The following VWA3A variants were observed in gnomAD, a reference collection of about 807,000 sequenced individuals.
VWA3A encodes the protein von Willebrand factor A domain-containing protein 3A.
A neutral mutation model predicts 160.4 loss-of-function variants in VWA3A; 134 were observed. That is an observed-to-expected ratio of 0.84 (90% CI 0.73 to 0.96). The LOEUF (loss-of-function observed/expected upper bound fraction) is 0.96, where lower values mean the gene tolerates loss of function less well. VWA3A is among the 40% of genes least tolerant of loss of function. The pLI is 0.00. For synonymous variants in VWA3A, 476 were observed against 543.4 expected (o/e 0.88, Z 1.72); for missense variants, 1,310 against 1,447.9 (o/e 0.90, Z 1.55).
At chr16:22,152,770 A>G in intron 31 of VWA3A, 136 bp downstream of exon 31, 6 of 1,335,798 alleles carry the variant, frequency 4.5e-6, no homozygotes, top group Non-Finnish European at 6.0e-6. Flanking sequence ...TTGGGATTAC[A>G]GGCATGAGCC....
chr16:22,134,349 C>T lies in VWA3A; in HGVS notation c.2069-19C>T, dbSNP rs375365518. On this transcript the variant is annotated intron_variant, in intron 20 of 33. Transcript: ENST00000389398. ...TCCACACCCTGTCTCACCTTGCTCA[C>T]GATGTGCTTTGTTTCCAGGCATTTA... 1.5e-5 allele frequency: 24 copies of T among 1,585,244 alleles called. No homozygotes were observed. Among genetic ancestry groups the T allele is most frequent in the African/African-American group, 2.7e-5 (2 of 74,456 alleles).
At chr16:22,111,893 G>A (rs770330446) in intron 8 of VWA3A, among the ~76,000 whole-genome samples, 15 of 152,140 alleles carry the variant, frequency 9.9e-5, no homozygotes, top group Non-Finnish European at 2.1e-4. Context: ...CTGGGACTAC[G>A]GGTATGAGAC....
intron 1 of VWA3A, among the ~76,000 whole-genome samples, chr16:22,094,241 C>T (rs2045281246): frequency 6.6e-6 from 1 of 151,998 alleles, no homozygotes; most frequent in South Asian, 2.1e-4. Context: ...TATGGGGCGG[C>T]CAGTGTTCAT....
rs765994344 is a variant in VWA3A at position 22,126,216 on chromosome 16, T to C, written c.1571T>C (p.Met524Thr). Residue 524 changes from methionine (M) to threonine (T), a missense_variant, in exon 17 of 34, where the codon ATG becomes ACG. Transcript: ENST00000389398. ...VLLDISATNS[M>T]YIIHIQHSLR... ...CTCGATATCTCTGCGACCAATTCCA[T>C]GTACATTATTCATATCCAGCACTCC... 2 of 1,613,858 alleles carry C rather than the reference T, an allele frequency of 1.2e-6. No homozygotes were observed. The highest frequency in any genetic ancestry group is 1.7e-6 in the Non-Finnish European group (2 of 1,179,882).
rs748062152 is a variant in VWA3A, at chr16:22,148,223, A to G, written c.2901A>G (p.Ser967=). Residue 967 remains serine (S), a synonymous_variant, in exon 28 of 34, where the codon TCA becomes TCG. Coordinates refer to ENST00000389398, the MANE Select transcript of VWA3A (RefSeq NM_173615.5). ...ESKVCILLDT[S]GSMGPYLQQV... ...AAGTATGCATATTGCTGGACACGTC[A>G]GGGTCCATGGGCCCCTACCTGCAGC... 4 of 1,601,492 alleles carry G rather than the reference A, an allele frequency of 2.5e-6. No individual in the cohort carries two copies. The highest frequency in any genetic ancestry group is 2.3e-5 in the South Asian group (2 of 88,312).
chr16:22,116,631 A>G, intron 9 of VWA3A, 128 bp from the exon 10 acceptor site: 1 of 725,126 alleles, frequency 1.4e-6, no homozygotes, highest in Non-Finnish European at 2.4e-6. Flanking sequence ...CATGCCACAT[A>G]GGTGACCTGT....
Position 22,126,217 on chromosome 16 carries a change from G to C in VWA3A, c.1572G>C (p.Met524Ile). 6.2e-7 allele frequency: 1 copy of C among 1,613,894 alleles called. No homozygotes were observed. Among genetic ancestry groups the C allele is most frequent in the East Asian group, 2.2e-5 (1 of 44,882 alleles). The change falls in exon 17 of 34, where the codon ATG becomes ATC. Residue 524 changes from methionine to isoleucine, a missense_variant. Coordinates refer to ENST00000389398, the MANE Select transcript of VWA3A (RefSeq NM_173615.5). ...TCGATATCTCTGCGACCAATTCCAT[G>C]TACATTATTCATATCCAGCACTCCC... ...VLLDISATNS[M>I]YIIHIQHSLR...
intron 7 of VWA3A, 60 bp downstream of exon 7, chr16:22,109,640 C>T: frequency 6.9e-7 from 1 of 1,458,168 alleles, no homozygotes; most frequent in Non-Finnish European, 9.5e-7. Context: ...GCCTTTCCTT[C>T]CTGAGCTTGC....
At position 22,131,258 on chromosome 16, in the gene VWA3A, A is replaced by G; in HGVS notation, c.1706A>G (p.Asn569Ser). The part of the protein sequence containing the change: ...WRPEMVPVSH[N>S]NLQSAWRWAL... Reference sequence around the variant, plus strand: ...CCTGAGATGGTTCCCGTGAGTCACAACAATTTACAAAGTGCCTGGCGGTAG... The same window carrying G: ...CCTGAGATGGTTCCCGTGAGTCACAGCAATTTACAAAGTGCCTGGCGGTAG... The change falls in exon 18 of 34, where the codon AAC becomes AGC. Residue 569 changes from asparagine (N) to serine (S), a missense_variant. Transcript: ENST00000389398. 2 of 1,613,974 alleles carry G rather than the reference A, an allele frequency of 1.2e-6. No individual in the cohort carries two copies. The highest frequency in any genetic ancestry group is 1.7e-4 in the Middle Eastern group (1 of 6,060).
At chr16:22,126,802 G>C (rs960129742) in intron 17 of VWA3A, among the ~76,000 whole-genome samples, 6 of 152,058 alleles carry the variant, frequency 3.9e-5, no homozygotes, top group African/African-American at 1.4e-4. Flanking sequence ...GCATCCAGGA[G>C]TTTGAGACCA....
chr16:22,106,347 T>C (rs1020482679), intron 6 of VWA3A, among the ~76,000 whole-genome samples: 11 of 152,062 alleles, frequency 7.2e-5, no homozygotes, highest in African/African-American at 2.7e-4. Flanking sequence ...ATCGTGCCAC[T>C]GCACTCCAGT....
At position 22,116,875 on chromosome 16, in the gene VWA3A, C is replaced by A. The variant is rs80032231; in HGVS notation, c.924+8C>A. 6.7e-3 allele frequency: 10,719 copies of A among 1,609,448 alleles called. 64 individuals are homozygous for A. Among genetic ancestry groups the A allele is most frequent in the South Asian group, 9.1e-3 (829 of 91,010 alleles). Reference sequence around the variant, plus strand: ...GATGATCAGATGCCCCCTGTGAGTGCCCGAGATTCTCTGAGGTGCCCCTTG... The same window carrying A: ...GATGATCAGATGCCCCCTGTGAGTGACCGAGATTCTCTGAGGTGCCCCTTG... On this transcript the variant is annotated splice_region_variant and intron_variant, in intron 10 of 33. Transcript: ENST00000389398.
In VWA3A at chr16:22,142,661, C is replaced by T. The variant is rs765263547; in HGVS notation, c.2495-7C>T. 29 of 1,557,760 alleles carry T rather than the reference C, an allele frequency of 1.9e-5. No individual in the cohort carries two copies. The highest frequency in any genetic ancestry group is 2.4e-5 in the East Asian group (1 of 41,928). Reference sequence around the variant, plus strand: ...CTATAGCAATGACCTCACTCTGCTTCTTCTAGGCTCAGTGTACAAGAAGTA... The same window carrying T: ...CTATAGCAATGACCTCACTCTGCTTTTTCTAGGCTCAGTGTACAAGAAGTA... On this transcript the variant is annotated splice_region_variant and splice_polypyrimidine_tract_variant and intron_variant, in intron 24 of 33. Coordinates refer to ENST00000389398, the MANE Select transcript of VWA3A (RefSeq NM_173615.5).
chr16:22,097,563 G>A lies in VWA3A; in HGVS notation c.102-9G>A, dbSNP rs776854119. On this transcript the variant is annotated splice_polypyrimidine_tract_variant and intron_variant, in intron 2 of 33. Coordinates refer to ENST00000389398, the MANE Select transcript of VWA3A (RefSeq NM_173615.5). Reference sequence around the variant, plus strand: ...TGGGGCATTGATCAAATTACTTTATGTTTTGTAGCATTAGGAGAAACACTG... The same window carrying A: ...TGGGGCATTGATCAAATTACTTTATATTTTGTAGCATTAGGAGAAACACTG... The A allele has an allele frequency of 2.3e-5, 36 of 1,551,038 alleles. No individual in the cohort carries two copies. The highest frequency in any genetic ancestry group is 2.6e-5 in the Non-Finnish European group (30 of 1,146,828).
rs780020259 is a variant in VWA3A, at chr16:22,141,626, A to C, written c.2428A>C (p.Lys810Gln). The C allele has an allele frequency of 1.9e-6, 3 of 1,612,772 alleles. No homozygotes were observed. Among genetic ancestry groups the C allele is most frequent in the East Asian group, 4.5e-5 (2 of 44,868 alleles). ...TKEGMMELRR[K>Q]TKSREAETSL... ...AGAAGGGATGATGGAACTGAGGAGG[A>C]AGACCAAGTCAAGGGAAGCAGAGAC... Residue 810 changes from lysine (K) to glutamine (Q), a missense_variant, in exon 24 of 34, where the codon AAG (lysine) becomes CAG (glutamine). Coordinates refer to ENST00000389398, the MANE Select transcript of VWA3A (RefSeq NM_173615.5).
chr16:22,116,094 GAGAA>G (rs959996648), intron 9 of VWA3A, among the ~76,000 whole-genome samples: 25 of 146,610 alleles, frequency 1.7e-4, no homozygotes, highest in African/African-American at 4.8e-4. Flanking sequence ...GAAAGAAAGA[GAGAA>G]AGAAAGAAAG....
chr16:22,131,170 C>T (rs1182547706), intron 17 of VWA3A, 35 bp from the exon 18 acceptor site: 1 of 1,606,180 alleles, frequency 6.2e-7, no homozygotes, highest in Non-Finnish European at 8.5e-7. Context: ...TGGACCTCCC[C>T]CAGCCTAAGA....
intron 25 of VWA3A, among the ~76,000 whole-genome samples, chr16:22,143,928 TG>T (rs1381341327): frequency 1.3e-5 from 2 of 151,580 alleles, no homozygotes; most frequent in Non-Finnish European, 2.9e-5. Flanking sequence ...TTAGTAGAGA[TG>T]GGGTTTCACC....
Position 22,116,780 on chromosome 16 carries a change from C to A in VWA3A, c.837C>A (p.Ile279=). 1 of 1,613,426 alleles carries A rather than the reference C, an allele frequency of 6.2e-7. No individual in the cohort carries two copies. The highest frequency in any genetic ancestry group is 1.1e-5 in the South Asian group (1 of 91,084). The change falls in exon 10 of 34, where the codon ATC becomes ATA. Residue 279 remains isoleucine, a synonymous_variant. Coordinates refer to ENST00000389398, the MANE Select transcript of VWA3A (RefSeq NM_173615.5). The stretch of plus-strand genomic sequence containing the variant: ...ACAGCCCAGATCAGCCTTCTGAAAT[C>A]CTGTCTGACTACATCCAGCAGTCCA... ...MRSCPDQPSE[I]LSDYIQQSTM... is the part of the protein sequence containing the mutation.
Sources: gnomAD v4.1 joint callset for allele counts (sites outside exome capture counted in the v4.1 genomes callset) on GRCh38, gnomAD v4.1.1 for gene constraint, MANE v1.5 for transcripts, NCBI Gene and HGNC (gene_info 2026-07-23, HGNC 2026-07-21) for gene names.